Variants in ANKRD12 observed in about 807,000 individuals in gnomAD.
ANKRD12 encodes the protein ankyrin repeat domain 12, also known as ankyrin repeat domain-containing protein 12.
In ANKRD12, 85 loss-of-function variants were observed where a neutral mutation model predicts 183.4. The observed-to-expected ratio is 0.46, with a 90% CI of 0.39 to 0.56. The LOEUF is 0.56. Ranked by LOEUF, ANKRD12 falls within the 20% of genes least tolerant of loss-of-function variation. ANKRD12 has a pLI of 0.00. For synonymous variants in ANKRD12, 914 were observed against 800.2 expected, an observed-to-expected ratio of 1.14 and a Z score of -2.40; for missense variants, 2,405 against 2,357.1, an observed-to-expected ratio of 1.02 and a Z score of -0.42.
Position 9,254,327 on chromosome 18 carries a change from C to T in ANKRD12, c.1060C>T (p.Leu354Phe), listed in dbSNP as rs779807400. ...SKQILPSKTP[L>F]PSALDEYEFK... Reference sequence around the variant, plus strand: ...ACAGATACTTCCCAGTAAAACACCTCTTCCATCTGCCCTTGATGAGTATGA... The same window carrying T: ...ACAGATACTTCCCAGTAAAACACCTTTTCCATCTGCCCTTGATGAGTATGA... The change falls in exon 9 of 13, where the codon CTT becomes TTT. Residue 354 changes from leucine (L) to phenylalanine (F), a missense_variant. Leu to Phe is a conservative substitution (Grantham distance 22). Around this residue, in one of 7 missense-constraint regions of ANKRD12, gnomAD observed 1,983 missense variants for 1,725.9 expected, o/e 1.15. Coordinates refer to ENST00000262126, the MANE Select transcript of ANKRD12 (RefSeq NM_015208.5). 6 of 1,612,976 alleles carry T rather than the reference C, an allele frequency of 3.7e-6. No individual in the cohort carries two copies. The highest frequency in any genetic ancestry group is 1.7e-6 in the Non-Finnish European group (2 of 1,179,486).
chr18:9,139,494 C>T (rs1158211021), intron 1 of ANKRD12, among the ~76,000 whole-genome samples: 18 of 152,108 alleles, frequency 1.2e-4, no homozygotes, highest in Admixed American at 1.1e-3. Flanking sequence ...TTAGCTGACA[C>T]GTAAACTTTT....
In ANKRD12 at chr18:9,168,815, G is replaced by A. The variant is rs1008118046; in HGVS notation, c.-51-13567G>A. 4.6e-5 allele frequency among the ~76,000 whole-genome samples: 7 copies of A among 152,062 alleles called. No individual in the cohort carries two copies. The South Asian group carries it at 1.5e-3, about 32-fold the overall frequency. ...TAGTTCTTTTAATTGTGATGTTAGG[G>A]TGTCAATTTTAGATCTTTCCTGCTT... On this transcript the variant is annotated intron_variant, in intron 1 of 12. Transcript: ENST00000262126.
At chr18:9,223,249 A>G (rs965462996) in intron 8 of ANKRD12, among the ~76,000 whole-genome samples, 11 of 145,892 alleles carry the variant, frequency 7.5e-5, no homozygotes. Flanking sequence ...GTGAAACCCC[A>G]CCTCTCTCTC....
chr18:9,182,531 T>C lies in ANKRD12; in HGVS notation c.87+12T>C. ...CATATGGAAGAAAGGTATATGATTA[T>C]ACTAAAGATTTGTTGACTTTTTGAA... On this transcript the variant is annotated intron_variant, in intron 2 of 12. Transcript: ENST00000262126. 1 of 1,514,432 alleles carries C rather than the reference T, an allele frequency of 6.6e-7. No homozygotes were observed. Among genetic ancestry groups the C allele is most frequent in the Non-Finnish European group, 8.9e-7 (1 of 1,121,102 alleles). The allele number at this position is 1,514,432 out of a possible 1,614,324, so 93.8% of individuals were successfully genotyped here.
chr18:9,161,308 G>A (rs936907842), intron 1 of ANKRD12, among the ~76,000 whole-genome samples: 6 of 151,888 alleles, frequency 4.0e-5, no homozygotes, highest in Non-Finnish European at 7.4e-5. Flanking sequence ...TTTGTAGACA[G>A]ACTTTAACTT....
chr18:9,137,543 C>T (rs1033687897), intron 1 of ANKRD12: 56 of 149,530 alleles, frequency 3.7e-4, no homozygotes, highest in African/African-American at 1.3e-3. Flanking sequence ...GAGCGTGCGC[C>T]GACGCCGGGG....
rs1163835456 is a variant in ANKRD12, at chr18:9,181,258, AT to A, written c.-51-1122del. Among the ~76,000 whole-genome samples, 18 of 152,292 alleles carry A rather than the reference AT, an allele frequency of 1.2e-4. No homozygotes were observed. In the East Asian group the frequency reaches 3.3e-3, roughly 28 times the overall value. The stretch of plus-strand genomic sequence containing the variant: ...TTAATATGGTTTTGATAATTTACAA[AT>A]TAGCTCAGTTTATTTAAGGGATTTT... On this transcript the variant is annotated intron_variant, in intron 1 of 12. Transcript: ENST00000262126.
chr18:9,244,065 C>T (rs1022589303), intron 8 of ANKRD12, among the ~76,000 whole-genome samples: 2 of 152,184 alleles, frequency 1.3e-5, no homozygotes, highest in South Asian at 4.1e-4. Context: ...ACCTGGGAGG[C>T]GGAGGTTACA....
intron 1 of ANKRD12, among the ~76,000 whole-genome samples, chr18:9,178,443 T>C (rs2033456782): frequency 6.6e-6 from 1 of 152,078 alleles, no homozygotes; most frequent in Non-Finnish European, 1.5e-5. Flanking sequence ...TGAAAATCGG[T>C]TGGATTGGAT....
At position 9,262,786 on chromosome 18, in the gene ANKRD12, C is replaced by CTTTTTTT. The variant is rs775877613; in HGVS notation, c.5665-1004_5665-1003insTTTTTTT. 7.6e-4 allele frequency among the ~76,000 whole-genome samples: 67 copies of CTTTTTTT among 87,928 alleles called. 15 individuals carry two copies. Among genetic ancestry groups the CTTTTTTT allele is most frequent in the South Asian group, 1.9e-3 (4 of 2,158 alleles). 57.7% of individuals were successfully genotyped at this position (87,928 alleles called of 152,430 possible). A position where few individuals can be genotyped will look rare whatever the true frequency, so the allele number is the denominator to read the frequency against. On this transcript the variant is annotated intron_variant, in intron 9 of 12. Coordinates refer to ENST00000262126, the MANE Select transcript of ANKRD12 (RefSeq NM_015208.5). The stretch of plus-strand genomic sequence containing the variant: ...AGCCACCATGCCCAGCCAAGATGTC[C>CTTTTTTT]CTTTTTTTTTTTTTTTTTTTTTTTT...
intron 3 of ANKRD12, among the ~76,000 whole-genome samples, chr18:9,198,033 A>AT (rs1299482966): frequency 6.6e-6 from 1 of 151,884 alleles, no homozygotes; most frequent in African/African-American, 2.4e-5. Context: ...CTTTTATATA[A>AT]TTTTTTTTTA....
At chr18:9,160,498 A>C (rs1349841015) in intron 1 of ANKRD12, among the ~76,000 whole-genome samples, 3 of 152,170 alleles carry the variant, frequency 2.0e-5, no homozygotes, top group Non-Finnish European at 2.9e-5. Context: ...ATTCCAGAAC[A>C]CTTGTCATCG....
At position 9,258,181 on chromosome 18, in the gene ANKRD12, G is replaced by A. The variant is rs1186629373; in HGVS notation, c.4914G>A (p.Glu1638=). Reference sequence around the variant, plus strand: ...CACATGAAAAAGAAAACAAACTGGAGAGTTTGGTTTTAACTCATTTGAGTA... The same window carrying A: ...CACATGAAAAAGAAAACAAACTGGAAAGTTTGGTTTTAACTCATTTGAGTA... ...VISHEKENKL[E]SLVLTHLSRC... The change falls in exon 9 of 13, where the codon GAG becomes GAA. Residue 1638 remains glutamate (E), a synonymous_variant. Coordinates refer to ENST00000262126, the MANE Select transcript of ANKRD12 (RefSeq NM_015208.5). The A allele has an allele frequency of 1.9e-6, 3 of 1,613,866 alleles. No individual in the cohort carries two copies. In the East Asian group the frequency reaches 6.7e-5, roughly 36 times the overall value.
At chr18:9,222,936 G>A (rs1402610186) in intron 8 of ANKRD12, among the ~76,000 whole-genome samples, 1 of 152,126 alleles carries the variant, frequency 6.6e-6, no homozygotes, top group African/African-American at 2.4e-5. Context: ...ATGAAGTCAT[G>A]GAATAAAAAC....
At chr18:9,176,189 T>G (rs1598461004) in intron 1 of ANKRD12, among the ~76,000 whole-genome samples, 1 of 152,344 alleles carries the variant, frequency 6.6e-6, no homozygotes. Context: ...GTGAACATTT[T>G]TGTTTGCCTA....
chr18:9,243,865 T>C (rs923725027), intron 8 of ANKRD12, among the ~76,000 whole-genome samples: 9 of 152,230 alleles, frequency 5.9e-5, no homozygotes, highest in Non-Finnish European at 1.3e-4. Flanking sequence ...ATGGGTGCGG[T>C]GGCCCACGCC....
intron 1 of ANKRD12, among the ~76,000 whole-genome samples, chr18:9,152,877 T>A (rs11081463): frequency 0.11 from 16,859 of 152,172 alleles, 1,108 homozygotes; most frequent in African/African-American, 0.17. Context: ...CCAAAAGCCT[T>A]GTTGATTGAT....
intron 7 of ANKRD12, among the ~76,000 whole-genome samples, chr18:9,219,753 G>C (rs1002963750): frequency 8.7e-6 from 1 of 115,508 alleles, no homozygotes; most frequent in Non-Finnish European, 1.9e-5. Context: ...ATCCTAGAAA[G>C]AAAAGAAAAA....
intron 3 of ANKRD12, among the ~76,000 whole-genome samples, chr18:9,202,438 G>C (rs1428019624): frequency 6.6e-6 from 1 of 151,936 alleles, no homozygotes; most frequent in African/African-American, 2.4e-5. Context: ...AATCACCTTT[G>C]GTGATTTTTT....
Sources: gnomAD v4.1 joint callset for allele counts (sites outside exome capture counted in the v4.1 genomes callset) on GRCh38, gnomAD v4.1.1 for gene constraint, gnomAD v4.1.1 regional missense constraint, MANE v1.5 for transcripts, NCBI Gene and HGNC (gene_info 2026-07-23, HGNC 2026-07-21) for gene names.